The following PMF1 variants were observed in gnomAD, a reference collection of about 807,000 sequenced individuals.
PMF1 encodes polyamine modulated factor 1.
A neutral mutation model predicts 26.7 loss-of-function variants in PMF1; 21 were observed. The observed-to-expected ratio is 0.79, with a 90% confidence interval of 0.56 to 1.13. The LOEUF is 1.13. Among genes scored for constraint, PMF1 ranks in the 50% most tolerant of loss-of-function variants. PMF1 has a pLI of 0.00. For synonymous variants in PMF1, 105 were observed against 101.0 expected (o/e 1.04, Z -0.24); for missense variants, 266 against 254.9 (o/e 1.04, Z -0.30).
chr1:156,232,191 T>C, intron 1 of PMF1, 129 bp from the exon 2 acceptor site: 1 of 780,472 alleles, frequency 1.3e-6, no homozygotes, highest in East Asian at 2.5e-5. Flanking sequence ...TTGCATCCAC[T>C]GGCTTTAACC....
intron 1 of PMF1, among the ~76,000 whole-genome samples, chr1:156,222,919 C>T (rs746060604): frequency 3.3e-4 from 50 of 152,180 alleles, no homozygotes; most frequent in Non-Finnish European, 2.5e-4. Flanking sequence ...TTAAAGCCTA[C>T]GTCTGGCAGT....
intron 2 of PMF1, 80 bp downstream of exon 2, chr1:156,232,505 C>T: frequency 1.5e-6 from 2 of 1,326,816 alleles, no homozygotes; most frequent in Non-Finnish European, 2.2e-6. Context: ...GCAGTGGCCC[C>T]ACCCTCTACA....
In PMF1 at chr1:156,225,764, A is replaced by G. The variant is rs1219598906; in HGVS notation, c.162-6556A>G. ...CTTTCCATGCTGTCCTGCACAATTT[A>G]TCTGCATATGTAAACCAACAGATTG... On this transcript the variant is annotated intron_variant, in intron 1 of 4. Coordinates refer to ENST00000368277, the MANE Select transcript of PMF1 (RefSeq NM_007221.4). The G allele has an allele frequency of 5.7e-6, 3 of 529,808 alleles. No homozygotes were observed. In the East Asian group the frequency reaches 9.2e-5, roughly 16 times the overall value. 32.8% of individuals were successfully genotyped at this position (529,808 alleles called of 1,614,324 possible).
At position 156,232,471 on chromosome 1, in the gene PMF1, C is replaced by T. The variant is rs200691447; in HGVS notation, c.267+46C>T. 571 of 1,587,512 alleles carry T rather than the reference C, an allele frequency of 3.6e-4. 7 individuals carry two copies. Among genetic ancestry groups the T allele is most frequent in the South Asian group, 3.6e-3 (321 of 90,070 alleles). ...CAGGTGCTGTTGACTTGGGTTCTGT[C>T]TCCAGATTGTCAGTCCCCTGAGGGC... On this transcript the variant is annotated intron_variant, in intron 2 of 4. Transcript: ENST00000368277.
Position 156,239,616 on chromosome 1 carries a change from C to G in PMF1, c.*15C>G, listed in dbSNP as rs1487677109. The G allele has an allele frequency of 6.2e-7, 1 of 1,610,518 alleles. No individual in the cohort carries two copies. Among genetic ancestry groups the G allele is most frequent in the Middle Eastern group, 2.2e-4 (1 of 4,632 alleles). On this transcript the variant is annotated 3_prime_UTR_variant, in exon 5 of 5. Transcript: ENST00000368277. ...AGCCTGAGTGAGGAGACCGCCAGCCCCAGAAGCAGAGGGCAGTCAAGGTCA... is the reference window on the plus strand; with the variant it reads ...AGCCTGAGTGAGGAGACCGCCAGCCGCAGAAGCAGAGGGCAGTCAAGGTCA...
intron 1 of PMF1, among the ~76,000 whole-genome samples, chr1:156,218,124 T>G (rs1657878326): frequency 6.6e-6 from 1 of 152,242 alleles, no homozygotes; most frequent in Non-Finnish European, 1.5e-5. Flanking sequence ...CCTGGCAGGT[T>G]TGGGCATTTC....
chr1:156,220,386 G>T (rs1333928577), intron 1 of PMF1, among the ~76,000 whole-genome samples: 2 of 151,876 alleles, frequency 1.3e-5, no homozygotes, highest in Non-Finnish European at 2.9e-5. Context: ...TTTTTGTTTA[G>T]ATTTTTTTGT....
Position 156,233,743 on chromosome 1 carries a change from G to A in PMF1, c.368+15G>A. On this transcript the variant is annotated intron_variant, in intron 3 of 4. Coordinates refer to ENST00000368277, the MANE Select transcript of PMF1 (RefSeq NM_007221.4). ...GAGCCAGCCTGGTGAGAGTGGGGTG[G>A]GGAGGTGAGAAGGTACAGGAAAGAG... 1 of 1,611,916 alleles carries A rather than the reference G, an allele frequency of 6.2e-7. No individual in the cohort carries two copies. Among genetic ancestry groups the A allele is most frequent in the South Asian group, 1.1e-5 (1 of 90,870 alleles).
At chr1:156,235,482 C>G (rs1353875095) in intron 3 of PMF1, among the ~76,000 whole-genome samples, 2 of 119,384 alleles carry the variant, frequency 1.7e-5, no homozygotes, top group South Asian at 2.7e-4. Flanking sequence ...CGCTCTGTCT[C>G]TCAGGCTGGA....
intron 4 of PMF1, 44 bp downstream of exon 4, chr1:156,236,527 C>A (rs1486772571): frequency 6.5e-7 from 1 of 1,545,902 alleles, no homozygotes; most frequent in Non-Finnish European, 8.8e-7. Context: ...CTCTAATGGG[C>A]CCTCTGAGAT....
intron 3 of PMF1, among the ~76,000 whole-genome samples, chr1:156,234,541 C>T (rs1258054235): frequency 6.6e-6 from 1 of 151,618 alleles, no homozygotes; most frequent in Non-Finnish European, 1.5e-5. Context: ...CAGAGTCTTG[C>T]TCTGTTGCCC....
chr1:156,231,083 G>C (rs189439441), intron 1 of PMF1, among the ~76,000 whole-genome samples: 20 of 152,048 alleles, frequency 1.3e-4, no homozygotes, highest in Non-Finnish European at 2.9e-4. Context: ...TGGGCGTGGT[G>C]GTGGGCACCT....
intron 1 of PMF1, among the ~76,000 whole-genome samples, chr1:156,215,207 A>G (rs1433796340): frequency 6.6e-6 from 1 of 151,968 alleles, no homozygotes; most frequent in Non-Finnish European, 1.5e-5. Context: ...TACAGAACGA[A>G]TGTATAGGAA....
intron 1 of PMF1, chr1:156,225,641 G>A: frequency 1.3e-6 from 2 of 1,561,662 alleles, no homozygotes; most frequent in Non-Finnish European, 1.7e-6. Context: ...TCAGTTGGGC[G>A]GCGTGCAGGT....
intron 1 of PMF1, among the ~76,000 whole-genome samples, chr1:156,216,660 C>A (rs947679896): frequency 1.3e-5 from 2 of 151,658 alleles, no homozygotes; most frequent in Non-Finnish European, 2.9e-5. Context: ...GCGGGGAAGG[C>A]GGCGAGGGCT....
chr1:156,236,925 A>T (rs1409422053), intron 4 of PMF1: 1 of 171,742 alleles, frequency 5.8e-6, no homozygotes, highest in African/African-American at 2.4e-5. Context: ...ATTTTTTAAA[A>T]TTGATACATC....
At chr1:156,228,932 G>A (rs545379761) in intron 1 of PMF1, among the ~76,000 whole-genome samples, 50 of 152,190 alleles carry the variant, frequency 3.3e-4, no homozygotes, top group Admixed American at 9.2e-4. Flanking sequence ...TTTTTGAGAC[G>A]GAGTCTTGCT....
At chr1:156,233,935 G>A (rs1261070522) in intron 3 of PMF1, among the ~76,000 whole-genome samples, 1 of 152,048 alleles carries the variant, frequency 6.6e-6, no homozygotes, top group Non-Finnish European at 1.5e-5. Context: ...TCTTGAAGGA[G>A]ACTTTAAGAC....
At position 156,216,211 on chromosome 1, in the gene PMF1, C is replaced by T. The variant is rs117193561; in HGVS notation, c.161+3035C>T. Among the ~76,000 whole-genome samples the T allele has an allele frequency of 2.8e-3, 432 of 151,844 alleles. 11 individuals carry two copies. In the East Asian group the frequency reaches 0.063, roughly 22 times the overall value. ...TTCGAGACCAGCCTGGCCAATGTAG[C>T]GAAACCCCATCTCTACTACAAATAT... is the stretch of plus-strand genomic sequence containing the variant. On this transcript the variant is annotated intron_variant, in intron 1 of 4. Coordinates refer to ENST00000368277, the MANE Select transcript of PMF1 (RefSeq NM_007221.4).
Sources: allele counts gnomAD v4.1 joint callset (sites outside exome capture counted in the v4.1 genomes callset), GRCh38; gene constraint gnomAD v4.1.1; transcripts MANE v1.5; gene names NCBI Gene and HGNC (gene_info 2026-07-23, HGNC 2026-07-21).